Variants in LSAMP observed in about 807,000 individuals in gnomAD.
The protein encoded by LSAMP is limbic system associated membrane protein.
LSAMP carries 7 observed loss-of-function variants against 38.6 expected under a neutral mutation model. The ratio of observed to expected loss-of-function variants is 0.18; its 90% CI spans 0.10 to 0.34. The LOEUF is 0.34. LSAMP is among the 10% of genes least tolerant of loss of function. The pLI is 1.00. For missense variants in LSAMP, 313 were observed against 420.0 expected (o/e 0.75, Z 2.23); for synonymous variants, 154 against 166.8 (o/e 0.92, Z 0.59).
chr3:116,377,707 T>A (rs956435316), intron 1 of LSAMP, among the ~76,000 whole-genome samples: 7 of 152,066 alleles, frequency 4.6e-5, no homozygotes, highest in Admixed American at 3.9e-4. Flanking sequence ...ATTCACTGAT[T>A]TTGTTTTCAT....
intron 3 of LSAMP, among the ~76,000 whole-genome samples, chr3:115,898,625 G>A (rs1483544329): frequency 2.2e-5 from 3 of 133,480 alleles, no homozygotes; most frequent in African/African-American, 8.5e-5. Flanking sequence ...ATATATATAT[G>A]CACCCAAAAG....
intron 4 of LSAMP, among the ~76,000 whole-genome samples, chr3:115,845,895 AAAGACC>A (rs1189107005): frequency 3.3e-5 from 5 of 152,372 alleles, no homozygotes; most frequent in African/African-American, 1.2e-4. Context: ...AGTCAGTTAC[AAAGACC>A]AACTACTTGC....
intron 1 of LSAMP, among the ~76,000 whole-genome samples, chr3:116,210,369 G>T (rs534498179): frequency 6.6e-6 from 1 of 152,316 alleles, no homozygotes; most frequent in Non-Finnish European, 1.5e-5. Context: ...CTTGAATAAA[G>T]CAGTCAGGAG....
intron 3 of LSAMP, among the ~76,000 whole-genome samples, chr3:115,999,861 C>T (rs1358421713): frequency 1.3e-5 from 2 of 152,168 alleles, no homozygotes; most frequent in Non-Finnish European, 2.9e-5. Flanking sequence ...AGACTGGCCC[C>T]TGCAAGCACA....
At chr3:116,137,499 A>AT (rs1709277406) in intron 1 of LSAMP, among the ~76,000 whole-genome samples, 1 of 152,180 alleles carries the variant, frequency 6.6e-6, no homozygotes, top group Non-Finnish European at 1.5e-5. Context: ...AAATATTAAG[A>AT]AACTTACACT....
intron 3 of LSAMP, among the ~76,000 whole-genome samples, chr3:115,997,322 TG>T (rs1939843253): frequency 6.6e-6 from 1 of 152,028 alleles, no homozygotes; most frequent in Admixed American, 6.6e-5. Context: ...CATTCCATTG[TG>T]GGACTATGAG....
chr3:115,924,911 T>G (rs962042444), intron 3 of LSAMP, among the ~76,000 whole-genome samples: 2 of 152,194 alleles, frequency 1.3e-5, no homozygotes, highest in African/African-American at 4.8e-5. Flanking sequence ...TGCTCTGGCC[T>G]TTCTCTTGCT....
chr3:115,997,403 T>C (rs925959181), intron 3 of LSAMP, among the ~76,000 whole-genome samples: 2 of 151,854 alleles, frequency 1.3e-5, no homozygotes, highest in African/African-American at 4.8e-5. Context: ...GTGACAGTGC[T>C]ACAAGGAAAT....
chr3:116,232,881 A>G (rs1279711706), intron 1 of LSAMP, among the ~76,000 whole-genome samples: 6 of 151,650 alleles, frequency 4.0e-5, no homozygotes, highest in African/African-American at 1.2e-4. Flanking sequence ...AAACTGGAGA[A>G]AGGCCCCTAC....
At chr3:115,901,617 G>C (rs567598432) in intron 3 of LSAMP, among the ~76,000 whole-genome samples, 2 of 152,028 alleles carry the variant, frequency 1.3e-5, no homozygotes, top group Non-Finnish European at 2.9e-5. Flanking sequence ...CTCAGTAATC[G>C]AAGTCAGAAT....
chr3:116,246,319 G>T (rs897226601), intron 1 of LSAMP, among the ~76,000 whole-genome samples: 5 of 151,598 alleles, frequency 3.3e-5, no homozygotes, highest in Non-Finnish European at 7.4e-5. Context: ...ACATTTATGG[G>T]AATACATAGG....
intron 1 of LSAMP, among the ~76,000 whole-genome samples, chr3:116,432,967 T>A (rs1430055191): frequency 1.3e-5 from 2 of 152,174 alleles, no homozygotes; most frequent in Non-Finnish European, 2.9e-5. Context: ...GATCTTTAGA[T>A]ATGCTTATAC....
At chr3:116,440,395 C>T (rs185120522) in intron 1 of LSAMP, among the ~76,000 whole-genome samples, 14 of 152,314 alleles carry the variant, frequency 9.2e-5, no homozygotes, top group African/African-American at 2.9e-4. Context: ...GTTTAACCCT[C>T]ACCAGTGACT....
intron 1 of LSAMP, among the ~76,000 whole-genome samples, chr3:116,111,556 A>C (rs1321252901): frequency 6.6e-6 from 1 of 152,206 alleles, no homozygotes; most frequent in Non-Finnish European, 1.5e-5. Flanking sequence ...CCTCTGCAAA[A>C]GTAGATTTTC....
chr3:115,908,837 G>T (rs75539459), intron 3 of LSAMP, among the ~76,000 whole-genome samples: 1 of 152,054 alleles, frequency 6.6e-6, no homozygotes, highest in Non-Finnish European at 1.5e-5. Flanking sequence ...CTTGCCTGTC[G>T]TCATCTCCAA....
intron 2 of LSAMP, among the ~76,000 whole-genome samples, chr3:116,072,895 AG>A (rs1707646650): frequency 6.6e-6 from 1 of 151,976 alleles, no homozygotes; most frequent in African/African-American, 2.4e-5. Context: ...TCTGTGCAGA[AG>A]CACTTTAGTT....
At chr3:115,896,274 G>A (rs947812081) in intron 3 of LSAMP, among the ~76,000 whole-genome samples, 10 of 152,010 alleles carry the variant, frequency 6.6e-5, no homozygotes, top group African/African-American at 2.4e-4. Context: ...TCCAAACAGG[G>A]TTTATGTGAA....
chr3:116,147,075 G>A (rs1709507983), intron 1 of LSAMP, among the ~76,000 whole-genome samples: 1 of 151,794 alleles, frequency 6.6e-6, no homozygotes, highest in Admixed American at 6.6e-5. Context: ...TCTCTTTATT[G>A]TTGACATAAC....
At chr3:116,326,606 A>C (rs1418206999) in intron 1 of LSAMP, among the ~76,000 whole-genome samples, 1 of 152,166 alleles carries the variant, frequency 6.6e-6, no homozygotes, top group Admixed American at 6.5e-5. Context: ...GCCAGGGTTC[A>C]GTCCCTATTT....
Sources: allele counts gnomAD v4.1 joint callset (sites outside exome capture counted in the v4.1 genomes callset), GRCh38; gene constraint gnomAD v4.1.1; transcripts MANE v1.5; gene names NCBI Gene and HGNC (gene_info 2026-07-23, HGNC 2026-07-21).